The following CSMD1 variants were observed in gnomAD, a reference collection of about 807,000 sequenced individuals.
The protein encoded by CSMD1 is CUB and sushi domain-containing protein 1.
In CSMD1, 213 loss-of-function variants were observed where a neutral mutation model predicts 417.5. The ratio of observed to expected loss-of-function variants is 0.51; its 90% CI spans 0.46 to 0.57. The LOEUF (loss-of-function observed/expected upper bound fraction) is 0.57. Among genes scored for constraint, CSMD1 ranks in the 20% least tolerant of loss-of-function variants. The probability of loss-of-function intolerance (pLI) is 0.00; values close to 1 mark genes in which losing one functional copy is unlikely to be tolerated. For synonymous variants in CSMD1, 2,862 were observed against 1,736.8 expected, an observed-to-expected ratio of 1.65 and a Z score of -16.11; for missense variants, 6,923 against 4,529.7, an observed-to-expected ratio of 1.53 and a Z score of -15.17.
intron 2 of CSMD1, among the ~76,000 whole-genome samples, chr8:4,589,023 C>T (rs1799853634): frequency 6.6e-6 from 1 of 151,852 alleles, no homozygotes; most frequent in African/African-American, 2.4e-5. Context: ...CATTATACAA[C>T]GTGTACTACA....
chr8:4,062,050 G>C (rs897276989), intron 3 of CSMD1, among the ~76,000 whole-genome samples: 1 of 152,144 alleles, frequency 6.6e-6, no homozygotes, highest in Non-Finnish European at 1.5e-5. Context: ...AATGCAGAGT[G>C]CCAGCTGCCG....
intron 28 of CSMD1, among the ~76,000 whole-genome samples, chr8:3,220,746 G>C (rs868751882): frequency 3.9e-5 from 6 of 152,080 alleles, no homozygotes; most frequent in African/African-American, 1.2e-4. Context: ...CAGAAGAATC[G>C]CTTGAACCCG....
At chr8:3,267,782 G>C (rs1015316269) in intron 26 of CSMD1, among the ~76,000 whole-genome samples, 2 of 152,156 alleles carry the variant, frequency 1.3e-5, no homozygotes, top group Non-Finnish European at 2.9e-5. Context: ...GAGTGGAGCG[G>C]GGAGACCAAG....
Position 2,938,051 on chromosome 8 carries a change from G to A in CSMD1, c.*534C>T, listed in dbSNP as rs1290761946. Reference sequence around the variant, plus strand: ...CTCAAAGCTTGTCAGGTCTCGGAAGGACAGAGTGAAGCATTTGTAGGTGTG... The same window carrying A: ...CTCAAAGCTTGTCAGGTCTCGGAAGAACAGAGTGAAGCATTTGTAGGTGTG... On this transcript the variant is annotated 3_prime_UTR_variant, in exon 70 of 70. Transcript: ENST00000635120. 1 of 152,758 alleles carries A rather than the reference G, an allele frequency of 6.5e-6. No homozygotes were observed. Among genetic ancestry groups the A allele is most frequent in the African/African-American group, 2.4e-5 (1 of 41,468 alleles). The allele number at this position is 152,758 out of a possible 1,614,324, so 9.5% of individuals were successfully genotyped here. A position where few individuals can be genotyped will look rare whatever the true frequency, so the allele number is the denominator to read the frequency against.
chr8:3,701,329 C>G (rs1585098659), intron 7 of CSMD1, among the ~76,000 whole-genome samples: 1 of 152,146 alleles, frequency 6.6e-6, no homozygotes, highest in African/African-American at 2.4e-5. Context: ...CTCATGGTAG[C>G]CCTATTCATG....
intron 5 of CSMD1, among the ~76,000 whole-genome samples, chr8:3,996,849 G>C (rs943476318): frequency 3.3e-5 from 5 of 152,144 alleles, no homozygotes; most frequent in Non-Finnish European, 7.4e-5. Flanking sequence ...TTGTGATTTG[G>C]AAAACAAAGT....
chr8:4,393,124 T>G (rs1273566411), intron 3 of CSMD1, among the ~76,000 whole-genome samples: 1 of 151,706 alleles, frequency 6.6e-6, no homozygotes, highest in Non-Finnish European at 1.5e-5. Flanking sequence ...TACAGGCGTG[T>G]GCCACCACGC....
chr8:3,047,010 C>T (rs1025776227), intron 50 of CSMD1, among the ~76,000 whole-genome samples: 44 of 150,490 alleles, frequency 2.9e-4, no homozygotes, highest in Non-Finnish European at 4.4e-4. Context: ...GAGTTTGAGA[C>T]CAGCCTGGCC....
chr8:3,340,786 T>C (rs1467638618), intron 23 of CSMD1, among the ~76,000 whole-genome samples: 1 of 152,184 alleles, frequency 6.6e-6, no homozygotes, highest in East Asian at 1.9e-4. Context: ...ATTACAAATA[T>C]ATCTTCCCAC....
intron 3 of CSMD1, among the ~76,000 whole-genome samples, chr8:4,371,805 G>A (rs974192598): frequency 6.6e-6 from 1 of 152,160 alleles, no homozygotes; most frequent in Non-Finnish European, 1.5e-5. Flanking sequence ...TTGTTGGACT[G>A]CCAAGCAATT....
At chr8:4,426,228 C>G (rs1320187622) in intron 2 of CSMD1, among the ~76,000 whole-genome samples, 1 of 151,772 alleles carries the variant, frequency 6.6e-6, no homozygotes, top group Non-Finnish European at 1.5e-5. Context: ...AGTTACCGGA[C>G]AAGTTTTCCA....
At chr8:3,367,339 G>C in intron 19 of CSMD1, 92 bp from the exon 20 acceptor site, 5 of 783,592 alleles carry the variant, frequency 6.4e-6, no homozygotes, top group South Asian at 6.2e-5. Flanking sequence ...GAGAGACAGA[G>C]ACATAGAGAT....
chr8:3,601,592 T>C (rs1801363482), intron 8 of CSMD1, among the ~76,000 whole-genome samples: 1 of 152,152 alleles, frequency 6.6e-6, no homozygotes, highest in Non-Finnish European at 1.5e-5. Flanking sequence ...CACAATCTAC[T>C]GTAGAATAAG....
rs142580418 is a variant in CSMD1 at position 4,642,956 on chromosome 8, G to A, written c.86-5398C>T. Among the ~76,000 whole-genome samples, 1,051 of 152,286 alleles carry A rather than the reference G, an allele frequency of 6.9e-3. 12 individuals are homozygous for A. Among genetic ancestry groups the A allele is most frequent in the Non-Finnish European group, 1.0e-2 (679 of 68,026 alleles). On this transcript the variant is annotated intron_variant, in intron 1 of 69. Transcript: ENST00000635120. ...TAGCAAATTCTACAAACGAGGAAACGAGTCATTTGAGAAATGATGGACAGG... is the reference window on the plus strand; with the variant it reads ...TAGCAAATTCTACAAACGAGGAAACAAGTCATTTGAGAAATGATGGACAGG...
rs1029080102 is a variant in CSMD1 at position 4,522,867 on chromosome 8, C to T, written c.303-102802G>A. Among the ~76,000 whole-genome samples, 5 of 152,264 alleles carry T rather than the reference C, an allele frequency of 3.3e-5. No homozygotes were observed. In the East Asian group the frequency reaches 5.8e-4, roughly 18 times the overall value. ...TTTTCAGGGAACCATGCCCTGGCTA[C>T]GTGTTCTCCAGGAGCTTACTTCCAT... On this transcript the variant is annotated intron_variant, in intron 2 of 69. Coordinates refer to ENST00000635120, the MANE Select transcript of CSMD1 (RefSeq NM_033225.6).
intron 26 of CSMD1, among the ~76,000 whole-genome samples, chr8:3,237,365 G>A: frequency 6.6e-6 from 1 of 151,666 alleles, no homozygotes; most frequent in East Asian, 1.9e-4. Flanking sequence ...TACTCGGGAG[G>A]CTGAGGCAGG....
intron 41 of CSMD1, among the ~76,000 whole-genome samples, chr8:3,121,381 A>G (rs1274965879): frequency 1.3e-5 from 2 of 152,192 alleles, no homozygotes; most frequent in Non-Finnish European, 2.9e-5. Context: ...GAGAACAAGA[A>G]AAATCGAGAT....
At chr8:4,441,864 TTTGAG>T (rs1465555197) in intron 2 of CSMD1, among the ~76,000 whole-genome samples, 7 of 152,304 alleles carry the variant, frequency 4.6e-5, no homozygotes, top group African/African-American at 9.6e-5. Flanking sequence ...TCCAGAAAGA[TTTGAG>T]TTATTTTAAA....
chr8:3,157,701 A>G (rs752104395), intron 39 of CSMD1, among the ~76,000 whole-genome samples, 196 bp downstream of exon 39: 11 of 152,318 alleles, frequency 7.2e-5, no homozygotes, highest in African/African-American at 1.7e-4. Context: ...CACTGAGAAG[A>G]CGGAGTTGCT....
Sources: gnomAD v4.1 joint callset for allele counts (sites outside exome capture counted in the v4.1 genomes callset) on GRCh38, gnomAD v4.1.1 for gene constraint, MANE v1.5 for transcripts, NCBI Gene and HGNC (gene_info 2026-07-23, HGNC 2026-07-21) for gene names.